Variants in POTEC observed in about 807,000 individuals in gnomAD.
POTEC encodes the protein POTE ankyrin domain family member C, also known as ANKRD26-like family B member 2.
POTEC carries 35 observed loss-of-function variants against 62.0 expected under a neutral mutation model. The ratio of observed to expected loss-of-function variants is 0.56; its 90% confidence interval spans 0.43 to 0.75. POTEC has a LOEUF of 0.75. POTEC is among the 30% of genes least tolerant of loss of function. The probability of loss-of-function intolerance (pLI) is 0.00; values close to 1 mark genes in which losing one functional copy is unlikely to be tolerated. For missense variants in POTEC, 472 were observed against 655.9 expected, an observed-to-expected ratio of 0.72 and a Z score of 3.06; for synonymous variants, 156 against 221.5, an observed-to-expected ratio of 0.70 and a Z score of 2.62.
rs1909925118 is a variant in POTEC, at chr18:14,509,123, A to AT, written c.*2774_*2775insA. On this transcript the variant is annotated 3_prime_UTR_variant, in exon 11 of 11. Transcript: ENST00000358970. ...TGCACTGAGGGGACCAAAGTGCAGC[A>AT]GCTGTGGCAGAATGCTAGCAGATGC... is the stretch of plus-strand genomic sequence containing the variant. The AT allele has an allele frequency of 6.6e-6, 1 of 152,270 alleles. No homozygotes were observed. The highest frequency in any genetic ancestry group is 2.1e-4 in the South Asian group (1 of 4,836). The allele number at this position is 152,270 out of a possible 1,614,324, so 9.4% of individuals were successfully genotyped here. A position where few individuals can be genotyped will look rare whatever the true frequency, so the allele number is the denominator to read the frequency against.
intron 6 of POTEC, among the ~76,000 whole-genome samples, chr18:14,529,543 C>A (rs1905429670): frequency 6.6e-6 from 1 of 152,104 alleles, no homozygotes; most frequent in African/African-American, 2.4e-5. Flanking sequence ...TTGGATTATA[C>A]AATGTATTAG....
At chr18:14,532,689 C>T (rs1041866661) in intron 5 of POTEC, among the ~76,000 whole-genome samples, 13 of 151,842 alleles carry the variant, frequency 8.6e-5, no homozygotes, top group Non-Finnish European at 1.5e-5. Flanking sequence ...GGAGATAGTC[C>T]CCAGAAGACA....
intron 9 of POTEC, among the ~76,000 whole-genome samples, chr18:14,516,923 A>G (rs1216021377): frequency 6.6e-6 from 1 of 151,448 alleles, no homozygotes; most frequent in Non-Finnish European, 1.5e-5. Flanking sequence ...AAAGGAATTT[A>G]AAAAGAGAGT....
At chr18:14,523,437 A>G in intron 8 of POTEC, 26 bp downstream of exon 8, 1 of 1,552,606 alleles carries the variant, frequency 6.4e-7, no homozygotes, top group Admixed American at 1.8e-5. Flanking sequence ...CTAATTCAAC[A>G]GAAACATTTG....
At chr18:14,514,298 G>C (rs1323248976) in intron 9 of POTEC, among the ~76,000 whole-genome samples, 1 of 151,692 alleles carries the variant, frequency 6.6e-6, no homozygotes, top group African/African-American at 2.4e-5. Flanking sequence ...GATCTGACAG[G>C]AGGAGGAGCT....
rs771696529 is a variant in POTEC, at chr18:14,511,920, A to G, written c.1607T>C (p.Leu536Pro). The G allele has an allele frequency of 6.2e-7, 1 of 1,613,882 alleles. No homozygotes were observed. Among genetic ancestry groups the G allele is most frequent in the South Asian group, 1.1e-5 (1 of 91,076 alleles). Residue 536 changes from leucine to proline, a missense_variant, in exon 11 of 11, where the codon CTA becomes CCA. Physicochemically the swap from Leu to Pro is moderately conservative, Grantham distance 98. Transcript: ENST00000358970. ...NSMLQEEIAM[L>P]ISGDWN The stretch of plus-strand genomic sequence containing the variant: ...CATCTAGTTCCAGTCTCCAGAAATT[A>G]GCATGGCAATTTCTTCCTGCAACAT...
chr18:14,523,926 C>A (rs1216493254), intron 7 of POTEC, among the ~76,000 whole-genome samples: 1 of 152,090 alleles, frequency 6.6e-6, no homozygotes, highest in East Asian at 1.9e-4. Context: ...TCTCATGAAA[C>A]CCTAACTAGT....
chr18:14,530,457 A>C, intron 6 of POTEC, 26 bp downstream of exon 6: 1 of 1,602,444 alleles, frequency 6.2e-7, no homozygotes. Context: ...AACTGACCTA[A>C]AGTAATTCAT....
intron 10 of POTEC, among the ~76,000 whole-genome samples, chr18:14,512,643 C>T (rs1222264210): frequency 1.3e-5 from 2 of 152,196 alleles, no homozygotes; most frequent in Admixed American, 6.5e-5. Flanking sequence ...CAGTGGCTCA[C>T]ACCTGTAATC....
intron 3 of POTEC, among the ~76,000 whole-genome samples, chr18:14,535,658 A>C (rs1414569277): frequency 6.6e-6 from 1 of 151,980 alleles, no homozygotes; most frequent in Non-Finnish European, 1.5e-5. Flanking sequence ...ATCCTGATTA[A>C]GCCAAAGCTC....
chr18:14,522,265 T>G lies in POTEC; in HGVS notation c.1398A>C (p.Glu466Asp). The change falls in exon 9 of 11, where the codon GAA becomes GAC. Residue 466 changes from glutamate to aspartate, a missense_variant. By Grantham distance (45) the Glu-to-Asp change is conservative. Transcript: ENST00000358970. ...TGCCATAGGCTTACCTGTGATACTC[T>G]TCATTCTCAGTGTCAGGAAATTGCT... ...ENQQFPDTEN[E>D]EYHSDEQNDT... The G allele has an allele frequency of 6.4e-7, 1 of 1,573,126 alleles. No individual in the cohort carries two copies.
At chr18:14,525,699 C>T (rs1180802688) in intron 6 of POTEC, among the ~76,000 whole-genome samples, 1 of 151,510 alleles carries the variant, frequency 6.6e-6, no homozygotes, top group Non-Finnish European at 1.5e-5. Flanking sequence ...GTTTTTGATG[C>T]AAATCCGCTG....
At chr18:14,514,921 TGA>T (rs1014088095) in intron 9 of POTEC, among the ~76,000 whole-genome samples, 23 of 152,056 alleles carry the variant, frequency 1.5e-4, no homozygotes, top group African/African-American at 5.6e-4. Flanking sequence ...ACAACCAAGC[TGA>T]GAGTCATATC....
chr18:14,534,888 G>C lies in POTEC; in HGVS notation c.917+13C>G, dbSNP rs541132979. ...ATCTAGAACAACACACAGATTAAAA[G>C]AAATAACCATACCTTCCATATCTAT... On this transcript the variant is annotated intron_variant, in intron 4 of 10. Coordinates refer to ENST00000358970, the MANE Select transcript of POTEC (RefSeq NM_001137671.2). 49 of 1,546,378 alleles carry C rather than the reference G, an allele frequency of 3.2e-5. No individual in the cohort carries two copies. The African/African-American group carries it at 5.4e-4, about 17-fold the overall frequency.
intron 5 of POTEC, 106 bp downstream of exon 5, chr18:14,532,955 T>A: frequency 6.3e-7 from 1 of 1,591,590 alleles, no homozygotes; most frequent in Non-Finnish European, 8.6e-7. Flanking sequence ...AATCTAAAAC[T>A]ACCTGAACCA....
chr18:14,540,600 C>T (rs1205213108), intron 1 of POTEC, among the ~76,000 whole-genome samples: 1 of 152,134 alleles, frequency 6.6e-6, no homozygotes, highest in Non-Finnish European at 1.5e-5. Flanking sequence ...CCTATGGATG[C>T]ACTAAAATTT....
chr18:14,518,018 T>C (rs1250377805), intron 9 of POTEC, among the ~76,000 whole-genome samples: 1 of 152,172 alleles, frequency 6.6e-6, no homozygotes, highest in Non-Finnish European at 1.5e-5. Context: ...TAGCTTATTA[T>C]AAAAAGCCAA....
chr18:14,534,194 G>A (rs567482482), intron 4 of POTEC, among the ~76,000 whole-genome samples: 2 of 148,520 alleles, frequency 1.3e-5, no homozygotes, highest in African/African-American at 5.0e-5. Context: ...TTGTTCTTGC[G>A]ATAGTTTACT....
rs45566735 is a variant in POTEC at position 14,525,376 on chromosome 18, G to C, written c.1127-393C>G. On this transcript the variant is annotated intron_variant, in intron 6 of 10. Coordinates refer to ENST00000358970, the MANE Select transcript of POTEC (RefSeq NM_001137671.2). ...CTTAGCTACTCTGACTCTAAGGATA[G>C]TATCAGGCAGGGCCCAGGAAAGGTC... 8.5e-3 allele frequency among the ~76,000 whole-genome samples: 1,287 copies of C among 152,200 alleles called. 22 individuals carry two copies. The highest frequency in any genetic ancestry group is 0.03 in the African/African-American group (1,235 of 41,538).
Sources: gnomAD v4.1 joint callset for allele counts (sites outside exome capture counted in the v4.1 genomes callset) on GRCh38, gnomAD v4.1.1 for gene constraint, MANE v1.5 for transcripts, NCBI Gene and HGNC (gene_info 2026-07-23, HGNC 2026-07-21) for gene names.